Variants in SYNE2 observed in about 807,000 individuals in gnomAD.
SYNE2 encodes the protein spectrin repeat containing nuclear envelope protein 2, also known as nesprin-2.
Under a neutral mutation model 856.3 loss-of-function variants are expected in SYNE2, and 431 were observed. That is an observed-to-expected ratio of 0.50 (90% CI 0.47 to 0.55). The LOEUF is 0.55. Among genes scored for constraint, SYNE2 ranks in the 20% least tolerant of loss-of-function variants. The pLI, the probability that SYNE2 is intolerant of heterozygous loss-of-function variation, is 0.00. For missense variants in SYNE2, 8,129 were observed against 8,023.2 expected (o/e 1.01, Z -0.50); for synonymous variants, 2,923 against 2,872.3 (o/e 1.02, Z -0.56).
intron 7 of SYNE2, among the ~76,000 whole-genome samples, chr14:63,953,623 C>T (rs1315101883): frequency 1.3e-5 from 2 of 152,066 alleles, no homozygotes; most frequent in Admixed American, 6.6e-5. Flanking sequence ...CCACTTTGAC[C>T]ATTTTTAAGT....
At chr14:64,167,104 TTGAC>T (rs1452688781) in intron 90 of SYNE2, 125 bp from the exon 91 acceptor site, 3 of 1,159,722 alleles carry the variant, frequency 2.6e-6, no homozygotes, top group Non-Finnish European at 3.7e-6. Flanking sequence ...AGCAAGCTGT[TTGAC>T]TGTGGGCAAG....
In SYNE2 at chr14:64,188,669, G is replaced by A. The variant is rs886050596; in HGVS notation, c.17832G>A (p.Ala5944=). 7 of 1,614,024 alleles carry A rather than the reference G, an allele frequency of 4.3e-6. No homozygotes were observed. The highest frequency in any genetic ancestry group is 1.6e-4 in the Middle Eastern group (1 of 6,084). Residue 5944 remains alanine (A), a synonymous_variant, in exon 98 of 116, where the codon GCG becomes GCA. Coordinates refer to ENST00000555002, the MANE Select transcript of SYNE2 (RefSeq NM_182914.3). Reference sequence around the variant, plus strand: ...TGGAAAACAAAGTTCTACAGACAGCGGACATTAGTATTGAAGAAATGATTG... The same window carrying A: ...TGGAAAACAAAGTTCTACAGACAGCAGACATTAGTATTGAAGAAATGATTG... ...VQMENKVLQT[A]DISIEEMIEK...
chr14:64,190,057 G>T lies in SYNE2; in HGVS notation c.17872-14G>T. ...GCTAATTAGCCAGGCTTTATGTTTT[G>T]GTGCCTTTGCCAGGACTGCATGGAA... On this transcript the variant is annotated splice_polypyrimidine_tract_variant and intron_variant, in intron 98 of 115. Coordinates refer to ENST00000555002, the MANE Select transcript of SYNE2 (RefSeq NM_182914.3). 2 of 1,612,544 alleles carry T rather than the reference G, an allele frequency of 1.2e-6. No homozygotes were observed. The highest frequency in any genetic ancestry group is 1.7e-6 in the Non-Finnish European group (2 of 1,179,644).
intron 108 of SYNE2, among the ~76,000 whole-genome samples, chr14:64,217,754 TA>T (rs1236755610): frequency 4.6e-5 from 7 of 152,152 alleles, no homozygotes; most frequent in Non-Finnish European, 1.0e-4. Context: ...TTTTTTTTAT[TA>T]TTTTCATTCT....
chr14:63,956,647 T>A (rs1012743276), intron 8 of SYNE2, among the ~76,000 whole-genome samples: 17 of 152,150 alleles, frequency 1.1e-4, no homozygotes, highest in African/African-American at 4.1e-4. Context: ...CATGTCTGGG[T>A]TCCATATCCA....
At chr14:64,151,970 C>T (rs3866739) in intron 84 of SYNE2, among the ~76,000 whole-genome samples, 57,479 of 151,878 alleles carry the variant, frequency 0.38, 11,167 homozygotes, top group East Asian at 0.51. Flanking sequence ...GACTGCTGGC[C>T]CCATGGTGTC....
At chr14:64,081,990 G>T (rs2097527536) in intron 57 of SYNE2, among the ~76,000 whole-genome samples, 1 of 151,998 alleles carries the variant, frequency 6.6e-6, no homozygotes, top group Non-Finnish European at 1.5e-5. Context: ...GGAGGCTGAG[G>T]CAGGAGAATG....
chr14:64,095,765 G>T (rs1014086877), intron 61 of SYNE2, among the ~76,000 whole-genome samples: 3 of 152,064 alleles, frequency 2.0e-5, no homozygotes, highest in Admixed American at 1.3e-4. Context: ...AATACATACT[G>T]CTGTGGTTTG....
chr14:63,978,339 C>A (rs1257311683), intron 13 of SYNE2, among the ~76,000 whole-genome samples: 1 of 152,032 alleles, frequency 6.6e-6, no homozygotes. Context: ...ATTGCCCTGT[C>A]CAGGTCTCAC....
intron 11 of SYNE2, among the ~76,000 whole-genome samples, chr14:63,968,587 T>C (rs2153455204): frequency 6.6e-6 from 1 of 152,288 alleles, no homozygotes; most frequent in Non-Finnish European, 1.5e-5. Context: ...TATTGAGACA[T>C]GGTTTATGGC....
rs1438456301 is a variant in SYNE2 at position 63,985,756 on chromosome 14, TG to T, written c.2152-699del. Among the ~76,000 whole-genome samples, 6 of 152,348 alleles carry T rather than the reference TG, an allele frequency of 3.9e-5. No homozygotes were observed. In the East Asian group the frequency reaches 1.2e-3, roughly 29 times the overall value. On this transcript the variant is annotated intron_variant, in intron 18 of 115. Transcript: ENST00000555002. ...TTGGCCAGGCATAGTGTCTCATACC[TG>T]TAATCCCAGCTCTTTGGGAGGTTGA...
intron 45 of SYNE2, among the ~76,000 whole-genome samples, chr14:64,040,835 A>G (rs1002880886): frequency 1.3e-5 from 2 of 151,794 alleles, no homozygotes; most frequent in South Asian, 2.1e-4. Context: ...TCCAAAATTG[A>G]GGAAAAATAT....
intron 2 of SYNE2, among the ~76,000 whole-genome samples, chr14:63,930,922 C>A (rs1427632263): frequency 6.6e-6 from 1 of 152,092 alleles, no homozygotes; most frequent in Non-Finnish European, 1.5e-5. Context: ...TCCGGGGAAC[C>A]CCTGATTTAT....
intron 1 of SYNE2, among the ~76,000 whole-genome samples, chr14:63,872,988 T>C (rs1464612189): frequency 6.6e-6 from 1 of 152,130 alleles, no homozygotes; most frequent in African/African-American, 2.4e-5. Context: ...TTATGTCTCC[T>C]TCTAGGACCC....
chr14:64,166,377 A>G (rs954877050), intron 90 of SYNE2, among the ~76,000 whole-genome samples: 2 of 152,238 alleles, frequency 1.3e-5, no homozygotes, highest in African/African-American at 4.8e-5. Flanking sequence ...AGAATATTAC[A>G]GCAGAGTTCT....
chr14:63,781,273 C>G (rs1012161327), intron 1 of SYNE2, among the ~76,000 whole-genome samples: 5 of 127,978 alleles, frequency 3.9e-5, no homozygotes, highest in African/African-American at 1.5e-4. Flanking sequence ...AGTGAAACTC[C>G]AACTCAAAAA....
intron 1 of SYNE2, among the ~76,000 whole-genome samples, chr14:63,773,870 G>T (rs555376414): frequency 2.0e-4 from 31 of 151,974 alleles, no homozygotes; most frequent in South Asian, 1.5e-3. Flanking sequence ...ATAATCTCTT[G>T]TTTGAGCTAA....
intron 2 of SYNE2, among the ~76,000 whole-genome samples, chr14:63,911,659 C>G (rs1394156298): frequency 1.3e-5 from 2 of 152,200 alleles, no homozygotes; most frequent in Non-Finnish European, 2.9e-5. Flanking sequence ...GTACCATACC[C>G]TCTTTGTTAC....
chr14:64,132,519 T>C (rs1160925431), intron 77 of SYNE2, 81 bp downstream of exon 77: 70 of 1,544,126 alleles, frequency 4.5e-5, no homozygotes, highest in Non-Finnish European at 5.5e-5. Flanking sequence ...AGAAGAAGTA[T>C]CTAGTTATCA....
Sources: gnomAD v4.1 joint callset for allele counts (sites outside exome capture counted in the v4.1 genomes callset) on GRCh38, gnomAD v4.1.1 for gene constraint, MANE v1.5 for transcripts, NCBI Gene and HGNC (gene_info 2026-07-23, HGNC 2026-07-21) for gene names.